Variants in FBN2 observed in about 807,000 individuals in gnomAD.
The protein encoded by FBN2 is fibrillin 2.
Under a neutral mutation model 355.6 loss-of-function variants are expected in FBN2, and 105 were observed. The ratio of observed to expected loss-of-function variants is 0.30; its 90% CI spans 0.25 to 0.35. The LOEUF is 0.35. Among genes scored for constraint, FBN2 ranks in the 10% least tolerant of loss-of-function variants. The pLI, the probability that FBN2 is intolerant of heterozygous loss-of-function variation, is 1.00. For synonymous variants in FBN2, 1,350 were observed against 1,301.2 expected (o/e 1.04, Z -0.81); for missense variants, 3,280 against 3,758.7 (o/e 0.87, Z 3.33).
intron 5 of FBN2, among the ~76,000 whole-genome samples, chr5:128,517,980 GTTAT>G (rs142738284): frequency 0.031 from 4,724 of 152,296 alleles, 100 homozygotes; most frequent in Non-Finnish European, 0.045. Context: ...CTCGATGCTA[GTTAT>G]TTATCACATT....
chr5:128,368,463 T>G (rs1751839225), intron 16 of FBN2, among the ~76,000 whole-genome samples: 1 of 123,048 alleles, frequency 8.1e-6, no homozygotes, highest in Non-Finnish European at 1.6e-5. Context: ...TACACATATA[T>G]ATACATATAT....
chr5:128,309,606 A>C (rs1414791677), intron 40 of FBN2, among the ~76,000 whole-genome samples: 1 of 152,132 alleles, frequency 6.6e-6, no homozygotes, highest in East Asian at 1.9e-4. Flanking sequence ...TTTCACTTAT[A>C]ATTTTCTTGG....
intron 5 of FBN2, among the ~76,000 whole-genome samples, chr5:128,491,015 C>T (rs970207342): frequency 2.0e-4 from 30 of 152,056 alleles, no homozygotes; most frequent in Admixed American, 3.3e-4. Flanking sequence ...GAAAAGCCTT[C>T]ATCATATGTA....
intron 34 of FBN2, among the ~76,000 whole-genome samples, chr5:128,320,557 A>G (rs1750341126): frequency 1.3e-5 from 2 of 152,188 alleles, no homozygotes; most frequent in East Asian, 3.8e-4. Flanking sequence ...TCTTCCACCT[A>G]AATAATGTAA....
intron 42 of FBN2, 56 bp from the exon 43 acceptor site, chr5:128,306,004 T>C: frequency 2.6e-6 from 4 of 1,531,520 alleles, no homozygotes; most frequent in East Asian, 2.3e-5. Flanking sequence ...ATACTTACCA[T>C]ATAACTTTGA....
At chr5:128,515,689 G>T (rs1756263198) in intron 5 of FBN2, among the ~76,000 whole-genome samples, 1 of 152,120 alleles carries the variant, frequency 6.6e-6, no homozygotes, top group African/African-American at 2.4e-5. Flanking sequence ...TTTGCAACTT[G>T]ATCTCACCTT....
intron 20 of FBN2, among the ~76,000 whole-genome samples, chr5:128,352,941 G>A (rs1308283623): frequency 6.6e-6 from 1 of 152,128 alleles, no homozygotes; most frequent in Non-Finnish European, 1.5e-5. Context: ...GGGAGGCTGA[G>A]GCAGTCGGAT....
chr5:128,280,362 T>C (rs777322135), intron 55 of FBN2, 45 bp from the exon 56 acceptor site: 2 of 1,494,502 alleles, frequency 1.3e-6, no homozygotes, highest in South Asian at 2.3e-5. Flanking sequence ...ACTGTCAAAT[T>C]ATAGTTTACA....
rs578065853 is a variant in FBN2, at chr5:128,519,445, A to G, written c.533-77T>C. 2.9e-6 allele frequency: 3 copies of G among 1,024,958 alleles called. No homozygotes were observed. In the African/African-American group the frequency reaches 5.2e-5, roughly 18 times the overall value. 63.5% of individuals were successfully genotyped at this position (1,024,958 alleles called of 1,614,324 possible). The stretch of plus-strand genomic sequence containing the variant: ...ATATAGTAGTGCAGTGATGCTGCCA[A>G]TAAAGGATCTTATGTTAAATTATAG... On this transcript the variant is annotated intron_variant, in intron 4 of 64. Transcript: ENST00000262464.
rs1749697827 is a variant in FBN2 at position 128,300,935 on chromosome 5, G to A, written c.6048C>T (p.Asp2016=). 1 of 1,613,198 alleles carries A rather than the reference G, an allele frequency of 6.2e-7. No individual in the cohort carries two copies. The highest frequency in any genetic ancestry group is 8.5e-7 in the Non-Finnish European group (1 of 1,179,228). ...ELTPDGKNCI[D]TNECVALPGS... ...CGGGAAGGGCGACACACTCATTAGT[G>A]TCTTTAGAGAAAAAGAAGAGAAAAA... Residue 2016 remains aspartate, a splice_region_variant and synonymous_variant, in exon 48 of 65, where the codon GAC becomes GAT. Coordinates refer to ENST00000262464, the MANE Select transcript of FBN2 (RefSeq NM_001999.4).
At chr5:128,457,844 A>G (rs968645298) in intron 6 of FBN2, among the ~76,000 whole-genome samples, 5 of 121,770 alleles carry the variant, frequency 4.1e-5, no homozygotes, top group African/African-American at 1.7e-4. Flanking sequence ...AGACACTGCA[A>G]AAAAAAAAAA....
chr5:128,329,292 T>C (rs1260971912), intron 33 of FBN2, among the ~76,000 whole-genome samples: 4 of 152,174 alleles, frequency 2.6e-5, no homozygotes, highest in Non-Finnish European at 5.9e-5. Context: ...GAAAGTTTCT[T>C]TCATGTCATT....
At chr5:128,313,451 A>G (rs1466551230) in intron 36 of FBN2, among the ~76,000 whole-genome samples, 2 of 152,044 alleles carry the variant, frequency 1.3e-5, no homozygotes, top group African/African-American at 4.8e-5. Flanking sequence ...CTAAAATCAA[A>G]CTGTCAATGC....
chr5:128,533,979 G>C (rs1052480884), intron 2 of FBN2, among the ~76,000 whole-genome samples: 1 of 151,882 alleles, frequency 6.6e-6, no homozygotes, highest in African/African-American at 2.4e-5. Flanking sequence ...ACAAAACATA[G>C]AGACTCAAAT....
intron 48 of FBN2, among the ~76,000 whole-genome samples, chr5:128,295,546 C>A (rs1233448788): frequency 2.8e-5 from 4 of 143,564 alleles, no homozygotes; most frequent in South Asian, 4.6e-4. Flanking sequence ...TGAAGAGGTC[C>A]TTCACATCCC....
intron 41 of FBN2, among the ~76,000 whole-genome samples, chr5:128,308,089 G>T (rs1036833267): frequency 5.3e-5 from 8 of 152,028 alleles, no homozygotes; most frequent in Non-Finnish European, 1.5e-5. Context: ...ATTAGTCACT[G>T]TAATTATTTA....
At chr5:128,478,657 G>A (rs1004294063) in intron 5 of FBN2, among the ~76,000 whole-genome samples, 3 of 152,166 alleles carry the variant, frequency 2.0e-5, no homozygotes, top group East Asian at 1.9e-4. Flanking sequence ...TGCACCTGCT[G>A]AGTTTAGATC....
At chr5:128,390,271 T>C (rs967313691) in intron 11 of FBN2, among the ~76,000 whole-genome samples, 1 of 152,234 alleles carries the variant, frequency 6.6e-6, no homozygotes, top group African/African-American at 2.4e-5. Flanking sequence ...GGACTCTTTA[T>C]AGCAGCTGTT....
chr5:128,286,532 A>C (rs1002926311), intron 55 of FBN2, among the ~76,000 whole-genome samples, 186 bp downstream of exon 55: 3 of 152,266 alleles, frequency 2.0e-5, no homozygotes, highest in African/African-American at 7.2e-5. Flanking sequence ...GAGCAGGCAT[A>C]AATGCCACAA....
Sources: gnomAD v4.1 joint callset for allele counts (sites outside exome capture counted in the v4.1 genomes callset) on GRCh38, gnomAD v4.1.1 for gene constraint, MANE v1.5 for transcripts, NCBI Gene and HGNC (gene_info 2026-07-23, HGNC 2026-07-21) for gene names.